Variants in TRAF3IP1 observed in about 807,000 individuals in gnomAD.
TRAF3IP1 encodes intraflagellar transport 54, also known as TRAF3-interacting protein 1.
In TRAF3IP1, 53 loss-of-function variants were observed where a neutral mutation model predicts 89.9. That is an observed-to-expected ratio of 0.59 (90% CI 0.47 to 0.74). The LOEUF is 0.74. Ranked by LOEUF, TRAF3IP1 falls within the 30% of genes least tolerant of loss-of-function variation. The probability of loss-of-function intolerance (pLI) is 0.00; values close to 1 mark genes in which losing one functional copy is unlikely to be tolerated. For missense variants in TRAF3IP1, 806 were observed against 866.1 expected (o/e 0.93, Z 0.87); for synonymous variants, 311 against 322.1 (o/e 0.97, Z 0.37).
chr2:238,340,794 G>A (rs1698605274), intron 8 of TRAF3IP1, among the ~76,000 whole-genome samples: 1 of 150,988 alleles, frequency 6.6e-6, no homozygotes, highest in Admixed American at 6.6e-5. Context: ...TTGCCATTTT[G>A]CTTAATGTAC....
chr2:238,385,779 G>A (rs1464253114), intron 15 of TRAF3IP1, among the ~76,000 whole-genome samples: 1 of 152,036 alleles, frequency 6.6e-6, no homozygotes, highest in African/African-American at 2.4e-5. Flanking sequence ...CTCCTACATG[G>A]GAGTTTCATC....
chr2:238,370,015 C>G (rs1028606126), intron 15 of TRAF3IP1, among the ~76,000 whole-genome samples: 4 of 152,162 alleles, frequency 2.6e-5, no homozygotes, highest in African/African-American at 9.7e-5. Context: ...TCATCCTGTT[C>G]TTTCCCTGCT....
At chr2:238,340,426 GC>G (rs1176120025) in intron 8 of TRAF3IP1, among the ~76,000 whole-genome samples, 1 of 152,170 alleles carries the variant, frequency 6.6e-6, no homozygotes, top group Non-Finnish European at 1.5e-5. Flanking sequence ...TGAGCCCTGT[GC>G]CCATAGCCTG....
Position 238,363,280 on chromosome 2 carries a change from C to T in TRAF3IP1, c.1689+7200C>T, listed in dbSNP as rs139797734. Among the ~76,000 whole-genome samples, 14 of 152,052 alleles carry T rather than the reference C, an allele frequency of 9.2e-5. No individual in the cohort carries two copies. The East Asian group carries it at 1.5e-3, about 17-fold the overall frequency. ...CAGCTCCTTTATTTTGAGTCGTTGT[C>T]GTTTTAAACCTACATATATTTCCGA... On this transcript the variant is annotated intron_variant, in intron 15 of 16. Transcript: ENST00000373327.
At position 238,398,930 on chromosome 2, in the gene TRAF3IP1, G is replaced by T; in HGVS notation, c.*11G>T. 3 of 1,583,644 alleles carry T rather than the reference G, an allele frequency of 1.9e-6. No individual in the cohort carries two copies. Among genetic ancestry groups the T allele is most frequent in the Non-Finnish European group, 2.6e-6 (3 of 1,169,734 alleles). On this transcript the variant is annotated 3_prime_UTR_variant, in exon 17 of 17. Coordinates refer to ENST00000373327, the MANE Select transcript of TRAF3IP1 (RefSeq NM_015650.4). ...ACTTCGAGAAGGTGAACACTCAAAAGTTTCAGAGATGAAAAGTCACCTCAG... is the reference window on the plus strand; with the variant it reads ...ACTTCGAGAAGGTGAACACTCAAAATTTTCAGAGATGAAAAGTCACCTCAG...
At chr2:238,321,298 C>T (rs1376438112) in intron 1 of TRAF3IP1, among the ~76,000 whole-genome samples, 1 of 152,262 alleles carries the variant, frequency 6.6e-6, no homozygotes, top group Non-Finnish European at 1.5e-5. Flanking sequence ...CAGAACCCCT[C>T]TCGCTTGCCC....
rs1166090662 is a variant in TRAF3IP1 at position 238,351,578 on chromosome 2, G to T, written c.1452-1249G>T. Among the ~76,000 whole-genome samples, 1 of 152,126 alleles carries T rather than the reference G, an allele frequency of 6.6e-6. No homozygotes were observed. The highest frequency in any genetic ancestry group is 1.5e-5 in the Non-Finnish European group (1 of 68,010). On this transcript the variant is annotated intron_variant, in intron 12 of 16. Transcript: ENST00000373327. The surrounding 1 kb of genome is among the most constrained non-coding windows in gnomAD (Gnocchi z 5.2). ...GGCGCAGGTGTTGAGGAGGTGGATCGTGGGCCACAGTGAGGGTGTGCTGGG... is the reference window on the plus strand; with the variant it reads ...GGCGCAGGTGTTGAGGAGGTGGATCTTGGGCCACAGTGAGGGTGTGCTGGG...
In TRAF3IP1 at chr2:238,324,076, C is replaced by T. The variant is rs538090717; in HGVS notation, c.124-1230C>T. Among the ~76,000 whole-genome samples, 37 of 151,334 alleles carry T rather than the reference C, an allele frequency of 2.4e-4. No homozygotes were observed. In the South Asian group the frequency reaches 6.9e-3, roughly 28 times the overall value. ...TTGAGAAATTCCTTTTCTTTTCTTT[C>T]TTTTTTTTTGAGGCAGAGTCTCACT... is the stretch of plus-strand genomic sequence containing the variant. On this transcript the variant is annotated intron_variant, in intron 1 of 16. Transcript: ENST00000373327.
intron 15 of TRAF3IP1, among the ~76,000 whole-genome samples, chr2:238,395,004 G>C (rs1314835711): frequency 1.3e-5 from 2 of 152,180 alleles, no homozygotes; most frequent in Non-Finnish European, 2.9e-5. Context: ...TTCTGTAAGT[G>C]GGTGAGGCAA....
Position 238,353,182 on chromosome 2 carries a change from G to T in TRAF3IP1, c.1585G>T (p.Val529Leu). 1 of 1,614,210 alleles carries T rather than the reference G, an allele frequency of 6.2e-7. No homozygotes were observed. Among genetic ancestry groups the T allele is most frequent in the South Asian group, 1.1e-5 (1 of 91,086 alleles). Reference sequence around the variant, plus strand: ...TTCCTTTCCTGCTCAGGTAACAGCAGTGGAACTAGAAGAAGAGGAGAAGCA... The same window carrying T: ...TTCCTTTCCTGCTCAGGTAACAGCATTGGAACTAGAAGAAGAGGAGAAGCA... ...EMSEIEMVTA[V>L]ELEEEEKHGG... The change falls in exon 14 of 17, where the codon GTG becomes TTG. Residue 529 changes from valine to leucine, a missense_variant. Val to Leu is a conservative substitution (Grantham distance 32). Around this residue, in one of 3 missense-constraint regions of TRAF3IP1, gnomAD observed 732 missense variants for 780.5 expected, o/e 0.94. Coordinates refer to ENST00000373327, the MANE Select transcript of TRAF3IP1 (RefSeq NM_015650.4).
intron 7 of TRAF3IP1, among the ~76,000 whole-genome samples, chr2:238,334,414 G>C (rs1698286777): frequency 6.6e-6 from 1 of 152,246 alleles, no homozygotes; most frequent in Non-Finnish European, 1.5e-5. Flanking sequence ...CATGTAGGCA[G>C]ATAATGTTTA....
intron 15 of TRAF3IP1, among the ~76,000 whole-genome samples, chr2:238,360,672 A>G (rs1304449920): frequency 6.6e-6 from 1 of 152,138 alleles, no homozygotes; most frequent in African/African-American, 2.4e-5. Flanking sequence ...TCACGAGGTC[A>G]GGAGATTGAG....
intron 15 of TRAF3IP1, among the ~76,000 whole-genome samples, chr2:238,390,437 T>C (rs1377857480): frequency 6.6e-6 from 1 of 152,180 alleles, no homozygotes; most frequent in Non-Finnish European, 1.5e-5. Flanking sequence ...ATGAAAGAAC[T>C]TGCCTGGACA....
At chr2:238,388,356 C>G (rs1700860329) in intron 15 of TRAF3IP1, among the ~76,000 whole-genome samples, 3 of 124,696 alleles carry the variant, frequency 2.4e-5, no homozygotes, top group Non-Finnish European at 4.9e-5. Context: ...GCCTGAGGGA[C>G]AGAGGGAGAC....
intron 9 of TRAF3IP1, among the ~76,000 whole-genome samples, chr2:238,346,077 G>C (rs1176669794): frequency 2.0e-5 from 3 of 152,116 alleles, no homozygotes; most frequent in African/African-American, 7.2e-5. Flanking sequence ...GTGTTTTGAA[G>C]AAAGAGCCGG....
Position 238,356,032 on chromosome 2 carries a change from G to C in TRAF3IP1, c.1641G>C (p.Thr547=). The C allele has an allele frequency of 6.2e-7, 1 of 1,613,768 alleles. No individual in the cohort carries two copies. Among genetic ancestry groups the C allele is most frequent in the Non-Finnish European group, 8.5e-7 (1 of 1,179,730 alleles). The part of the protein sequence containing the change: ...HGGLVKKILE[T]KKDYEKLQQS... ...GACTTGTGAAAAAAATTTTGGAGAC[G>C]AAGAAAGATTATGAGAAATTGCAGC... Residue 547 remains threonine, a synonymous_variant, in exon 15 of 17, where the codon ACG becomes ACC. Transcript: ENST00000373327.
chr2:238,383,237 T>C (rs1319975457), intron 15 of TRAF3IP1, among the ~76,000 whole-genome samples: 2 of 152,016 alleles, frequency 1.3e-5, no homozygotes, highest in Non-Finnish European at 2.9e-5. Context: ...CATTCCCCCA[T>C]CTCCTTGGTG....
intron 15 of TRAF3IP1, among the ~76,000 whole-genome samples, chr2:238,366,614 A>G (rs892959069): frequency 5.3e-5 from 8 of 152,198 alleles, no homozygotes; most frequent in African/African-American, 1.9e-4. Flanking sequence ...TGAAAATGTC[A>G]CTGAAATTCA....
At chr2:238,390,999 G>A (rs1346658489) in intron 15 of TRAF3IP1, among the ~76,000 whole-genome samples, 1 of 152,076 alleles carries the variant, frequency 6.6e-6, no homozygotes, top group East Asian at 1.9e-4. Context: ...CTGTTGCCCA[G>A]GCTGGAGTAC....
Sources: gnomAD v4.1 joint callset for allele counts (sites outside exome capture counted in the v4.1 genomes callset) on GRCh38, gnomAD v4.1.1 for gene constraint, gnomAD v4.1.1 regional missense constraint, Gnocchi (gnomAD v3.1) non-coding constraint, MANE v1.5 for transcripts, NCBI Gene and HGNC (gene_info 2026-07-23, HGNC 2026-07-21) for gene names.